The following SEC14L1 variants were observed in gnomAD, a reference collection of about 807,000 sequenced individuals.
SEC14L1 encodes SEC14-like protein 1.
A neutral mutation model predicts 85.3 loss-of-function variants in SEC14L1; 48 were observed. That is an observed-to-expected ratio of 0.56 (90% CI 0.45 to 0.72). The LOEUF (loss-of-function observed/expected upper bound fraction) is 0.72, where lower values mean the gene tolerates loss of function less well. Ranked by LOEUF, SEC14L1 falls within the 30% of genes least tolerant of loss-of-function variation. The probability of loss-of-function intolerance (pLI) is 0.00; values close to 1 mark genes in which losing one functional copy is unlikely to be tolerated. For synonymous variants in SEC14L1, 391 were observed against 355.5 expected (o/e 1.10, Z -1.12); for missense variants, 682 against 921.4 (o/e 0.74, Z 3.36).
chr17:77,196,200 A>G lies in SEC14L1; in HGVS notation c.710-2A>G, dbSNP rs1487491123. The G allele has an allele frequency of 1.9e-6, 3 of 1,610,526 alleles. No homozygotes were observed. The highest frequency in any genetic ancestry group is 2.5e-6 in the Non-Finnish European group (3 of 1,176,948). ...TGTAAATAAATGTCACTTACATTCCAGACAAACTAGATGCCGACTACATCA... is the reference window on the plus strand; with the variant it reads ...TGTAAATAAATGTCACTTACATTCCGGACAAACTAGATGCCGACTACATCA... On this transcript the variant is annotated splice_acceptor_variant, in intron 7 of 16. Coordinates refer to ENST00000436233, the MANE Select transcript of SEC14L1 (RefSeq NM_001143998.2). LOFTEE classifies it high-confidence loss of function.
At position 77,214,046 on chromosome 17, in the gene SEC14L1, G is replaced by A; in HGVS notation, c.*23G>A. ...TAGTGCCGCGCTGCCTGCACCTAGT[G>A]TGCAGAGGGGACGGCCGCCCCTCCT... On this transcript the variant is annotated 3_prime_UTR_variant, in exon 17 of 17. Transcript: ENST00000436233. 2 of 1,604,262 alleles carry A rather than the reference G, an allele frequency of 1.2e-6. No homozygotes were observed. Among genetic ancestry groups the A allele is most frequent in the Non-Finnish European group, 1.7e-6 (2 of 1,175,542 alleles).
intron 3 of SEC14L1, among the ~76,000 whole-genome samples, chr17:77,161,760 G>A (rs1293521973): frequency 6.8e-6 from 1 of 147,118 alleles, no homozygotes; most frequent in Non-Finnish European, 1.5e-5. Flanking sequence ...TTAAGGAAGG[G>A]AGGGGAATAA....
Position 77,216,506 on chromosome 17 carries a change from G to T in SEC14L1, c.*2483G>T, listed in dbSNP as rs1461126216. On this transcript the variant is annotated 3_prime_UTR_variant, in exon 17 of 17. Transcript: ENST00000436233. ...TCCTGTTCCCAAATCACAAGGGCCTGAAGGTGGTCCCTGCTTTCTCTTTCT... is the reference window on the plus strand; with the variant it reads ...TCCTGTTCCCAAATCACAAGGGCCTTAAGGTGGTCCCTGCTTTCTCTTTCT... 1 of 1,613,082 alleles carries T rather than the reference G, an allele frequency of 6.2e-7. No individual in the cohort carries two copies. Among genetic ancestry groups the T allele is most frequent in the African/African-American group, 1.3e-5 (1 of 74,868 alleles).
intron 3 of SEC14L1, among the ~76,000 whole-genome samples, chr17:77,095,598 C>T (rs922282206): frequency 1.4e-4 from 22 of 152,100 alleles, no homozygotes; most frequent in South Asian, 6.2e-4. Context: ...GAGGCCGAGG[C>T]GGGTGGTCAG....
Position 77,206,933 on chromosome 17 carries a change from CA to C in SEC14L1, c.1476+74del, listed in dbSNP as rs1726880795. On this transcript the variant is annotated intron_variant, in intron 13 of 16. Coordinates refer to ENST00000436233, the MANE Select transcript of SEC14L1 (RefSeq NM_001143998.2). The surrounding 1 kb of genome is among the most constrained non-coding windows in gnomAD (Gnocchi z 4.3). ...TGGGAGAGGTCGGTGTCGATTTGCA[CA>C]AATGATTTTCAGAACTTCCAGTTGT... 7.2e-7 allele frequency: 1 copy of C among 1,385,706 alleles called. No homozygotes were observed. The highest frequency in any genetic ancestry group is 2.7e-5 in the Admixed American group (1 of 37,176). 85.8% of individuals were successfully genotyped at this position (1,385,706 alleles called of 1,614,324 possible).
intron 3 of SEC14L1, among the ~76,000 whole-genome samples, chr17:77,146,737 C>T (rs537872356): frequency 2.6e-5 from 4 of 152,046 alleles, no homozygotes; most frequent in East Asian, 1.9e-4. Flanking sequence ...CACACACGCA[C>T]GTATATTCTT....
intron 7 of SEC14L1, among the ~76,000 whole-genome samples, chr17:77,195,789 A>G (rs955671999): frequency 2.0e-5 from 3 of 150,922 alleles, no homozygotes; most frequent in Admixed American, 6.6e-5. Flanking sequence ...GATTTCTTAC[A>G]TTCTCCAACA....
intron 3 of SEC14L1, among the ~76,000 whole-genome samples, chr17:77,113,544 G>C (rs1972095837): frequency 6.6e-6 from 1 of 152,154 alleles, no homozygotes; most frequent in South Asian, 2.1e-4. Flanking sequence ...AGCAGTTCTA[G>C]ACCAGCCTGG....
In SEC14L1 at chr17:77,216,352, G is replaced by T; in HGVS notation, c.*2329G>T. On this transcript the variant is annotated 3_prime_UTR_variant, in exon 17 of 17. Coordinates refer to ENST00000436233, the MANE Select transcript of SEC14L1 (RefSeq NM_001143998.2). Reference sequence around the variant, plus strand: ...GGCTAGTAGGTAGGGTTAGTAGGTAGGGCTAGTAGGTAGGGCTAGTAGGTA... The same window carrying T: ...GGCTAGTAGGTAGGGTTAGTAGGTATGGCTAGTAGGTAGGGCTAGTAGGTA... 3.8e-6 allele frequency: 5 copies of T among 1,306,046 alleles called. No homozygotes were observed. The highest frequency in any genetic ancestry group is 4.9e-6 in the Non-Finnish European group (5 of 1,012,584). 80.9% of individuals were successfully genotyped at this position (1,306,046 alleles called of 1,614,324 possible). A position where few individuals can be genotyped will look rare whatever the true frequency, so the allele number is the denominator to read the frequency against.
At chr17:77,103,635 T>C (rs532258762) in intron 3 of SEC14L1, among the ~76,000 whole-genome samples, 8 of 148,874 alleles carry the variant, frequency 5.4e-5, no homozygotes, top group African/African-American at 2.0e-4. Context: ...AGAGACGATA[T>C]TTTGCCATGT....
In SEC14L1 at chr17:77,206,680, A is replaced by G; in HGVS notation, c.1342-48A>G. 6 of 1,558,414 alleles carry G rather than the reference A, an allele frequency of 3.9e-6. No homozygotes were observed. Among genetic ancestry groups the G allele is most frequent in the Non-Finnish European group, 5.2e-6 (6 of 1,154,486 alleles). ...CCACATTGTCATTTTAATCTTGGAC[A>G]CTCAGGCAGCAGAGAAATATGACTG... On this transcript the variant is annotated intron_variant, in intron 12 of 16. Transcript: ENST00000436233. This position sits in a 1 kb window ranked among gnomAD's most constrained non-coding sequence, Gnocchi z 4.3.
chr17:77,139,160 ATT>A (rs749541191), upstream of SEC14L1, among the ~76,000 whole-genome samples: 28,076 of 119,608 alleles, frequency 0.23, 2,322 homozygotes, highest in Middle Eastern at 0.25. Context: ...GGTCAGGTGA[ATT>A]TTTTTTTTTT....
At chr17:77,112,793 G>C (rs577542413) in intron 3 of SEC14L1, among the ~76,000 whole-genome samples, 103 of 151,898 alleles carry the variant, frequency 6.8e-4, no homozygotes, top group Non-Finnish European at 1.2e-3. Flanking sequence ...AGAATGGTGT[G>C]AACCTGGGAG....
chr17:77,195,187 G>A lies in SEC14L1; in HGVS notation c.709+276G>A, dbSNP rs535419152. The stretch of plus-strand genomic sequence containing the variant: ...GTTTGTTTGTTTGTTTAAGAAATGG[G>A]GTCTCACTGTGTTGCCCAGGATGGT... On this transcript the variant is annotated intron_variant, in intron 7 of 16. Coordinates refer to ENST00000436233, the MANE Select transcript of SEC14L1 (RefSeq NM_001143998.2). 2.6e-5 allele frequency among the ~76,000 whole-genome samples: 4 copies of A among 152,164 alleles called. No individual in the cohort carries two copies. The East Asian group carries it at 7.7e-4, about 29-fold the overall frequency.
At position 77,135,512 on chromosome 17, in the gene SEC14L1, CTCTT is replaced by C. The variant is rs538517414; in HGVS notation, c.-135-7128_-135-7125del. ...TCTTTGTCTTTCTCTCTTTCTTTCT[CTCTT>C]TCTTTGTCTTCCTTCCTTCCTTTCT... is the stretch of plus-strand genomic sequence containing the variant. On this transcript the variant is annotated intron_variant, in intron 3 of 19. Transcript: ENST00000392476. Among the ~76,000 whole-genome samples the C allele has an allele frequency of 2.2e-3, 338 of 152,090 alleles. 3 individuals carry two copies. The highest frequency in any genetic ancestry group is 7.6e-3 in the African/African-American group (315 of 41,476).
At chr17:77,117,129 C>T (rs967454723) in intron 3 of SEC14L1, among the ~76,000 whole-genome samples, 32 of 152,156 alleles carry the variant, frequency 2.1e-4, no homozygotes, top group African/African-American at 6.3e-4. Context: ...GGGTGGATCA[C>T]GTGAGGTCAG....
chr17:77,120,095 G>A (rs1972260432), intron 3 of SEC14L1, among the ~76,000 whole-genome samples: 1 of 152,150 alleles, frequency 6.6e-6, no homozygotes, highest in Non-Finnish European at 1.5e-5. Flanking sequence ...TCATGGCCAG[G>A]TGTGGTGGTG....
chr17:77,213,288 A>C lies in SEC14L1; in HGVS notation c.1864-26A>C. The C allele has an allele frequency of 6.3e-7, 1 of 1,579,606 alleles. No homozygotes were observed. Among genetic ancestry groups the C allele is most frequent in the Non-Finnish European group, 8.6e-7 (1 of 1,162,378 alleles). On this transcript the variant is annotated intron_variant, in intron 15 of 16. Coordinates refer to ENST00000436233, the MANE Select transcript of SEC14L1 (RefSeq NM_001143998.2). The surrounding 1 kb of genome is among the most constrained non-coding windows in gnomAD (Gnocchi z 7.1). ...CAGGGGTCGGAAGCGAGTCGCCCTC[A>C]GCTGCCACTGCCCTACTTGTTCTAG... is the stretch of plus-strand genomic sequence containing the variant.
chr17:77,125,157 C>T (rs1444257582), intron 3 of SEC14L1, among the ~76,000 whole-genome samples: 4 of 151,708 alleles, frequency 2.6e-5, no homozygotes, highest in East Asian at 1.9e-4. Context: ...GGCGCCCGCC[C>T]GGCTAATTTT....
Sources: allele counts gnomAD v4.1 joint callset (sites outside exome capture counted in the v4.1 genomes callset), GRCh38; gene constraint gnomAD v4.1.1; non-coding constraint Gnocchi (gnomAD v3.1); transcripts MANE v1.5; gene names NCBI Gene and HGNC (gene_info 2026-07-23, HGNC 2026-07-21).